Variants in USP6NL observed in about 807,000 individuals in gnomAD.
The protein encoded by USP6NL is USP6 N-terminal-like protein.
A neutral mutation model predicts 61.9 loss-of-function variants in USP6NL; 26 were observed. The ratio of observed to expected loss-of-function variants is 0.42; its 90% CI spans 0.31 to 0.58. USP6NL has a LOEUF of 0.58. Ranked by LOEUF, USP6NL falls within the 20% of genes least tolerant of loss-of-function variation. The probability of loss-of-function intolerance (pLI) is 0.16; values close to 1 mark genes in which losing one functional copy is unlikely to be tolerated. For synonymous variants in USP6NL, 432 were observed against 390.1 expected, an observed-to-expected ratio of 1.11 and a Z score of -1.27; for missense variants, 1,114 against 1,034.3, an observed-to-expected ratio of 1.08 and a Z score of -1.06.
rs1832899517 is a variant in USP6NL, at chr10:11,474,828, T to C, written c.1078+6942A>G. 6.6e-6 allele frequency among the ~76,000 whole-genome samples: 1 copy of C among 152,174 alleles called. No individual in the cohort carries two copies. Among genetic ancestry groups the C allele is most frequent in the African/African-American group, 2.4e-5 (1 of 41,432 alleles). On this transcript the variant is annotated intron_variant, in intron 14 of 14. Coordinates refer to ENST00000609104, the MANE Select transcript of USP6NL (RefSeq NM_014688.5). This position sits in a 1 kb window ranked among gnomAD's most constrained non-coding sequence, Gnocchi z 4.9. ...TAGAAGACTCAGTTTGCTGTTATCA[T>C]TACTACTATGTGACTCAAAAGCGGC... is the stretch of plus-strand genomic sequence containing the variant.
At chr10:11,480,894 A>G (rs2133218594) in intron 14 of USP6NL, among the ~76,000 whole-genome samples, 1 of 152,364 alleles carries the variant, frequency 6.6e-6, no homozygotes, top group East Asian at 1.9e-4. Context: ...AAGAAAGAAG[A>G]AAAGCGAAAG....
In USP6NL at chr10:11,575,037, C is replaced by A. The variant is rs1345628100; in HGVS notation, c.4+22594G>T. On this transcript the variant is annotated intron_variant, in intron 2 of 14. Coordinates refer to ENST00000609104, the MANE Select transcript of USP6NL (RefSeq NM_014688.5). The surrounding 1 kb of genome is among the most constrained non-coding windows in gnomAD (Gnocchi z 4.2). The stretch of plus-strand genomic sequence containing the variant: ...TAGGTTCAGAAATCAGTGCTCCAAG[C>A]CATGACAGTGAGAAAATACTTGGAA... Among the ~76,000 whole-genome samples the A allele has an allele frequency of 6.6e-6, 1 of 152,138 alleles. No individual in the cohort carries two copies.
At chr10:11,519,813 T>G (rs894971111) in intron 4 of USP6NL, among the ~76,000 whole-genome samples, 5 of 152,220 alleles carry the variant, frequency 3.3e-5, no homozygotes, top group African/African-American at 1.2e-4. Flanking sequence ...AAAAACCACA[T>G]GCTATCCATA....
intron 2 of USP6NL, among the ~76,000 whole-genome samples, chr10:11,535,556 A>G (rs569467581): frequency 1.2e-4 from 19 of 152,244 alleles, no homozygotes; most frequent in Admixed American, 2.0e-4. Flanking sequence ...TGCAGAGCAA[A>G]GCAGTCACCA....
intron 7 of USP6NL, 61 bp downstream of exon 7, chr10:11,501,040 G>T: frequency 7.7e-7 from 1 of 1,303,782 alleles, no homozygotes; most frequent in Non-Finnish European, 1.0e-6. Context: ...CACCTTGAAT[G>T]CTAAAAGAAA....
chr10:11,591,585 G>GT lies in USP6NL; in HGVS notation c.4+6045dup, dbSNP rs1280310476. Among the ~76,000 whole-genome samples, 3 of 152,010 alleles carry GT rather than the reference G, an allele frequency of 2.0e-5. No homozygotes were observed. Among genetic ancestry groups the GT allele is most frequent in the African/African-American group, 7.2e-5 (3 of 41,412 alleles). On this transcript the variant is annotated intron_variant, in intron 2 of 14. Transcript: ENST00000609104. This position sits in a 1 kb window ranked among gnomAD's most constrained non-coding sequence, Gnocchi z 4.7. Reference sequence around the variant, plus strand: ...AGGAAAACAGACTTTCACAGAAAATGTTTTGTTTAAACATTTCAATTTCTT... The same window carrying GT: ...AGGAAAACAGACTTTCACAGAAAATGTTTTTGTTTAAACATTTCAATTTCTT...
rs187319604 is a variant in USP6NL at position 11,480,861 on chromosome 10, C to T, written c.1078+909G>A. The stretch of plus-strand genomic sequence containing the variant: ...CTTCCACTTCCCTAGCCTCTTACTA[C>T]ACCCATCCACTGCAACAAAGGTAAG... On this transcript the variant is annotated intron_variant, in intron 14 of 14. Transcript: ENST00000609104. Among the ~76,000 whole-genome samples the T allele has an allele frequency of 3.4e-3, 514 of 152,326 alleles. 11 individuals are homozygous for T. Among genetic ancestry groups the T allele is most frequent in the Admixed American group, 0.03 (461 of 15,292 alleles).
rs1424451945 is a variant in USP6NL at position 11,598,496 on chromosome 10, T to C, written c.-83-779A>G. On this transcript the variant is annotated intron_variant, in intron 1 of 14. Transcript: ENST00000609104. The surrounding 1 kb of genome is among the most constrained non-coding windows in gnomAD (Gnocchi z 4.7). ...TTTCTTAATTACTGTATTTCTAAAA[T>C]ATTAATATAGGTATAAATATTAATG... 6.6e-6 allele frequency among the ~76,000 whole-genome samples: 1 copy of C among 152,158 alleles called. No individual in the cohort carries two copies. The highest frequency in any genetic ancestry group is 2.4e-5 in the African/African-American group (1 of 41,440).
intron 2 of USP6NL, among the ~76,000 whole-genome samples, chr10:11,579,852 G>T (rs1588407379): frequency 6.6e-6 from 1 of 151,424 alleles, no homozygotes; most frequent in East Asian, 2.0e-4. Context: ...GGTCACTGTT[G>T]TAACTACTCA....
In USP6NL at chr10:11,478,892, T is replaced by G. The variant is rs1833074900; in HGVS notation, c.1078+2878A>C. On this transcript the variant is annotated intron_variant, in intron 14 of 14. Coordinates refer to ENST00000609104, the MANE Select transcript of USP6NL (RefSeq NM_014688.5). This position sits in a 1 kb window ranked among gnomAD's most constrained non-coding sequence, Gnocchi z 6.8. ...TCACACTCCAGCCTAGGCAACAGAG[T>G]GAGACCCTGTCTCATGTTTAAAAAG... is the stretch of plus-strand genomic sequence containing the variant. 7.1e-6 allele frequency among the ~76,000 whole-genome samples: 1 copy of G among 140,844 alleles called. No homozygotes were observed. The highest frequency in any genetic ancestry group is 2.7e-4 in the South Asian group (1 of 3,710). The allele number at this position is 140,844 out of a possible 152,430, so 92.4% of individuals were successfully genotyped here.
In USP6NL at chr10:11,462,448, A is replaced by G. The variant is rs199627344; in HGVS notation, c.2480T>C (p.Leu827Ser). Residue 827 changes from leucine (L) to serine (S), a missense_variant, in exon 15 of 15, where the codon TTG becomes TCG. Transcript: ENST00000609104. Reference protein sequence around the residue: ...RDGLSIQESVLL With the variant: ...RDGLSIQESVSL ...GCAAGTACACGTCAAATCTCACAGC[A>G]ACACTGACTCTTGGATGGAAAGCCC... The G allele has an allele frequency of 1.2e-6, 2 of 1,612,868 alleles. No homozygotes were observed. Among genetic ancestry groups the G allele is most frequent in the Non-Finnish European group, 1.7e-6 (2 of 1,179,482 alleles).
In USP6NL at chr10:11,460,624, C is replaced by CATATATATATATATATAT. The variant is rs57177555; in HGVS notation, c.*1799_*1816dup. On this transcript the variant is annotated 3_prime_UTR_variant, in exon 15 of 15. Transcript: ENST00000609104. The stretch of plus-strand genomic sequence containing the variant: ...CTTGTGTGTATATATATATTTTTTG[C>CATATATATATATATATAT]ATATATATATATATATATATATATA... 7.9e-6 allele frequency: 1 copy of CATATATATATATATATAT among 126,660 alleles called. No homozygotes were observed. Among genetic ancestry groups the CATATATATATATATATAT allele is most frequent in the Non-Finnish European group, 1.7e-5 (1 of 58,324 alleles). The allele number at this position is 126,660 out of a possible 1,614,324, so 7.8% of individuals were successfully genotyped here.
At chr10:11,483,886 AAACAT>A (rs1292617546) in intron 13 of USP6NL, among the ~76,000 whole-genome samples, 3 of 152,164 alleles carry the variant, frequency 2.0e-5, no homozygotes, top group Non-Finnish European at 2.9e-5. Context: ...TGAAAAAACT[AAACAT>A]AACAAAAGTG....
chr10:11,477,845 T>G lies in USP6NL; in HGVS notation c.1078+3925A>C, dbSNP rs370514052. ...AAGGTTTTAAAGGGAAAAAAATGAT[T>G]ATTTGTGTTCAAAAGGCACTCAAAA... On this transcript the variant is annotated intron_variant, in intron 14 of 14. Transcript: ENST00000609104. Among the ~76,000 whole-genome samples the G allele has an allele frequency of 1.2e-4, 18 of 152,314 alleles. No homozygotes were observed. In the East Asian group the frequency reaches 3.5e-3, roughly 29 times the overall value.
intron 2 of USP6NL, among the ~76,000 whole-genome samples, chr10:11,527,782 T>C (rs1835479981): frequency 6.6e-6 from 1 of 152,202 alleles, no homozygotes. Context: ...CATTAAGGCA[T>C]AAACTTAGGA....
In USP6NL at chr10:11,465,553, AAAAC is replaced by A. The variant is rs1832414348; in HGVS notation, c.1079-1708_1079-1705del. On this transcript the variant is annotated intron_variant, in intron 14 of 14. Coordinates refer to ENST00000609104, the MANE Select transcript of USP6NL (RefSeq NM_014688.5). This position sits in a 1 kb window ranked among gnomAD's most constrained non-coding sequence, Gnocchi z 4.5. ...TAAGATTCTCCATAGCAGTATTTAA[AAAAC>A]AAACAAAACCAAAAAAGGAATAGAT... Among the ~76,000 whole-genome samples the A allele has an allele frequency of 6.6e-6, 1 of 152,202 alleles. No homozygotes were observed. The highest frequency in any genetic ancestry group is 2.4e-5 in the African/African-American group (1 of 41,440).
intron 2 of USP6NL, chr10:11,563,310 A>T (rs1036482487): frequency 6.6e-6 from 1 of 152,268 alleles, no homozygotes; most frequent in East Asian, 1.9e-4. Flanking sequence ...GAAAGGGCAT[A>T]GCGTTAAGGA....
At chr10:11,599,378 A>G (rs1176131507) in intron 1 of USP6NL, among the ~76,000 whole-genome samples, 2 of 152,242 alleles carry the variant, frequency 1.3e-5, no homozygotes, top group Non-Finnish European at 2.9e-5. Context: ...GGTAACATTA[A>G]AGCACCTTGT....
chr10:11,512,554 G>A (rs1273376598), intron 5 of USP6NL, among the ~76,000 whole-genome samples: 1 of 152,174 alleles, frequency 6.6e-6, no homozygotes, highest in Non-Finnish European at 1.5e-5. Flanking sequence ...AAATTTCTTA[G>A]CACAGCACAC....
Sources: gnomAD v4.1 joint callset for allele counts (sites outside exome capture counted in the v4.1 genomes callset) on GRCh38, gnomAD v4.1.1 for gene constraint, Gnocchi (gnomAD v3.1) non-coding constraint, MANE v1.5 for transcripts, NCBI Gene and HGNC (gene_info 2026-07-23, HGNC 2026-07-21) for gene names.